Variants in AMOTL1 observed in about 807,000 individuals in gnomAD.
AMOTL1 encodes the protein angiomotin-like protein 1.
A neutral mutation model predicts 102.9 loss-of-function variants in AMOTL1; 45 were observed. That is an observed-to-expected ratio of 0.44 (90% CI 0.34 to 0.56). The LOEUF (loss-of-function observed/expected upper bound fraction) is 0.56. Among genes scored for constraint, AMOTL1 ranks in the 20% least tolerant of loss-of-function variants. The pLI is 0.01. For synonymous variants in AMOTL1, 481 were observed against 484.7 expected (o/e 0.99, Z 0.10); for missense variants, 1,114 against 1,225.6 (o/e 0.91, Z 1.36).
At chr11:94,710,879 C>T (rs1446507074) in intron 1 of AMOTL1, among the ~76,000 whole-genome samples, 1 of 152,094 alleles carries the variant, frequency 6.6e-6, no homozygotes, top group Non-Finnish European at 1.5e-5. Context: ...CCTGTTCTTA[C>T]CTTCCACTCT....
At position 94,821,605 on chromosome 11, in the gene AMOTL1, C is replaced by T. The variant is rs185394327; in HGVS notation, c.1197C>T (p.Ser399=). The T allele has an allele frequency of 6.9e-5, 111 of 1,613,810 alleles. No individual in the cohort carries two copies. In the African/African-American group the frequency reaches 8.3e-4, roughly 12 times the overall value. Residue 399 remains serine (S), a synonymous_variant, in exon 4 of 13, where the codon AGC becomes AGT. Transcript: ENST00000433060. ...TGTCCTCCCAGACCTCTTCCGCCAG[C>T]GGGCCACTGCACTCTGTCTCCCTGC... ...SPMSSQTSSA[S]GPLHSVSLPL...
intron 1 of AMOTL1, chr11:94,728,830 A>G: frequency 3.7e-6 from 2 of 538,380 alleles, no homozygotes; most frequent in Non-Finnish European, 5.8e-6. Flanking sequence ...TGAGCTAGAA[A>G]CTGACCACTT....
chr11:94,787,001 G>A (rs529866787), intron 1 of AMOTL1, among the ~76,000 whole-genome samples: 1 of 152,212 alleles, frequency 6.6e-6, no homozygotes, highest in East Asian at 1.9e-4. Flanking sequence ...GAGATACAAA[G>A]GTGAATAAGA....
chr11:94,828,222 GCTTT>G (rs1952003728), intron 4 of AMOTL1, among the ~76,000 whole-genome samples: 1 of 152,062 alleles, frequency 6.6e-6, no homozygotes, highest in South Asian at 2.1e-4. Context: ...TGTTGTATTT[GCTTT>G]CTTTCTTCCT....
rs58609491 is a variant in AMOTL1, at chr11:94,785,738, G to T, written c.50-9273G>T. 3.0e-4 allele frequency among the ~76,000 whole-genome samples: 46 copies of T among 152,262 alleles called. 1 individual carries two copies. In the East Asian group the frequency reaches 8.9e-3, roughly 29 times the overall value. ...GGTCCGGAAAGCTGGAGGAATCCGT[G>T]GCAGACAGGAAGTATCTGAACTGCT... On this transcript the variant is annotated intron_variant, in intron 1 of 12. Coordinates refer to ENST00000433060, the MANE Select transcript of AMOTL1 (RefSeq NM_130847.3).
At chr11:94,737,684 A>G (rs1282120143) in intron 2 of AMOTL1, among the ~76,000 whole-genome samples, 1 of 152,218 alleles carries the variant, frequency 6.6e-6, no homozygotes, top group Non-Finnish European at 1.5e-5. Context: ...TCTATGGGAA[A>G]CCAGAGGAGA....
chr11:94,865,376 G>A (rs1042839717), intron 10 of AMOTL1, among the ~76,000 whole-genome samples: 1 of 152,174 alleles, frequency 6.6e-6, no homozygotes, highest in East Asian at 1.9e-4. Context: ...AACCCTGGGA[G>A]CCCTAGGCCT....
upstream of AMOTL1, among the ~76,000 whole-genome samples, chr11:94,765,475 T>C (rs1255539912): frequency 1.3e-5 from 2 of 152,164 alleles, no homozygotes; most frequent in African/African-American, 2.4e-5. Flanking sequence ...CCTGAAAAGA[T>C]TGTTTTCTGC....
intron 8 of AMOTL1, among the ~76,000 whole-genome samples, chr11:94,855,912 G>C (rs1952652638): frequency 6.6e-6 from 1 of 152,172 alleles, no homozygotes; most frequent in African/African-American, 2.4e-5. Flanking sequence ...GCTCTCCCGG[G>C]AAATTACTCT....
chr11:94,804,097 A>T (rs1027745391), intron 3 of AMOTL1, among the ~76,000 whole-genome samples: 1 of 152,198 alleles, frequency 6.6e-6, no homozygotes, highest in African/African-American at 2.4e-5. Flanking sequence ...TGCATATCAA[A>T]TTATCTATGT....
intron 2 of AMOTL1, among the ~76,000 whole-genome samples, chr11:94,739,020 G>C (rs1950479673): frequency 6.6e-6 from 1 of 152,196 alleles, no homozygotes; most frequent in Non-Finnish European, 1.5e-5. Flanking sequence ...TCACAGGAAT[G>C]ATACTGGGAA....
In AMOTL1 at chr11:94,859,677, CTT is replaced by C; in HGVS notation, c.2099_2100del (p.Phe700CysfsTer11). The C allele has an allele frequency of 6.2e-7, 1 of 1,612,520 alleles. No individual in the cohort carries two copies. Among genetic ancestry groups the C allele is most frequent in the East Asian group, 2.2e-5 (1 of 44,836 alleles). On this transcript the variant is annotated frameshift_variant, in exon 9 of 13. Transcript: ENST00000433060. LOFTEE classifies it high-confidence loss of function. ...ACCTGGAGGAGAGCACCATCCGACA[CTT>C]TGCCATGAATGCCGCAGCCACTGCA... is the stretch of plus-strand genomic sequence containing the variant. ...KYLEESTIRH[F>X]AMNAAATAAA...
At chr11:94,770,315 A>G (rs1950928219) in intron 1 of AMOTL1, among the ~76,000 whole-genome samples, 1 of 152,238 alleles carries the variant, frequency 6.6e-6, no homozygotes, top group Non-Finnish European at 1.5e-5. Context: ...GTAGTTTAAT[A>G]TACTTTGAAC....
In AMOTL1 at chr11:94,839,560, G is replaced by A. The variant is rs116347257; in HGVS notation, c.1648+8019G>A. Among the ~76,000 whole-genome samples, 1,045 of 152,310 alleles carry A rather than the reference G, an allele frequency of 6.9e-3. 13 individuals carry two copies. Among genetic ancestry groups the A allele is most frequent in the African/African-American group, 0.024 (992 of 41,558 alleles). ...GCCATCTCCTACGTACCAGGTGAGT[G>A]GAGAGATGTTAGAATGTGAGAGGTG... On this transcript the variant is annotated intron_variant, in intron 6 of 12. Transcript: ENST00000433060.
chr11:94,785,122 G>T (rs1951165455), intron 1 of AMOTL1, among the ~76,000 whole-genome samples: 1 of 152,188 alleles, frequency 6.6e-6, no homozygotes, highest in African/African-American at 2.4e-5. Flanking sequence ...CAAAGAGAAT[G>T]GTTCTGGATC....
At chr11:94,710,319 C>T (rs772708842) in intron 1 of AMOTL1, among the ~76,000 whole-genome samples, 4 of 152,174 alleles carry the variant, frequency 2.6e-5, no homozygotes, top group Non-Finnish European at 4.4e-5. Flanking sequence ...GACACATAGA[C>T]TATTGGTTAA....
chr11:94,722,078 C>T (rs1260346133), intron 1 of AMOTL1, among the ~76,000 whole-genome samples: 1 of 152,160 alleles, frequency 6.6e-6, no homozygotes, highest in Non-Finnish European at 1.5e-5. Flanking sequence ...CAACCTCCCA[C>T]ACCCAGGTGG....
At position 94,830,212 on chromosome 11, in the gene AMOTL1, C is replaced by A; in HGVS notation, c.1558+18C>A. On this transcript the variant is annotated intron_variant, in intron 5 of 12. Transcript: ENST00000433060. ...CCTCCGAGGCAGGTTTATTCATGTTCTCTCTATCTAAACTACCTGTAGAGT... is the reference window on the plus strand; with the variant it reads ...CCTCCGAGGCAGGTTTATTCATGTTATCTCTATCTAAACTACCTGTAGAGT... The A allele has an allele frequency of 6.3e-7, 1 of 1,583,056 alleles. No individual in the cohort carries two copies. Among genetic ancestry groups the A allele is most frequent in the Non-Finnish European group, 8.6e-7 (1 of 1,167,540 alleles).
intron 2 of AMOTL1, chr11:94,797,078 T>C: frequency 1.1e-6 from 1 of 940,702 alleles, no homozygotes; most frequent in Non-Finnish European, 1.3e-6. Context: ...ATGCCATTTA[T>C]AGGAAGAAAA....
Sources: allele counts gnomAD v4.1 joint callset (sites outside exome capture counted in the v4.1 genomes callset), GRCh38; gene constraint gnomAD v4.1.1; transcripts MANE v1.5; gene names NCBI Gene and HGNC (gene_info 2026-07-23, HGNC 2026-07-21).